Variants in NYAP2 observed in about 807,000 individuals in gnomAD.
NYAP2 encodes the protein neuronal tyrosine-phosphorylated phosphoinositide-3-kinase adapter 2.
A neutral mutation model predicts 50.4 loss-of-function variants in NYAP2; 23 were observed. That is an observed-to-expected ratio of 0.46 (90% CI 0.33 to 0.65). NYAP2 has a LOEUF of 0.65. NYAP2 is among the 30% of genes least tolerant of loss of function. NYAP2 has a pLI of 0.02. For missense variants in NYAP2, 885 were observed against 861.0 expected, an observed-to-expected ratio of 1.03 and a Z score of -0.35; for synonymous variants, 394 against 365.2, an observed-to-expected ratio of 1.08 and a Z score of -0.90.
chr2:225,522,603 C>T (rs910443001), intron 4 of NYAP2, among the ~76,000 whole-genome samples: 5 of 152,180 alleles, frequency 3.3e-5, no homozygotes, highest in African/African-American at 1.2e-4. Flanking sequence ...TGTCATTTCT[C>T]ATGCCTCCAT....
chr2:225,530,544 A>G (rs902006824), intron 4 of NYAP2, among the ~76,000 whole-genome samples: 2 of 151,924 alleles, frequency 1.3e-5, no homozygotes, highest in Non-Finnish European at 2.9e-5. Flanking sequence ...ACTAATTTTC[A>G]TCTTCTTACT....
intron 4 of NYAP2, among the ~76,000 whole-genome samples, chr2:225,522,995 C>T (rs1280990482): frequency 1.3e-5 from 2 of 152,042 alleles, no homozygotes; most frequent in African/African-American, 4.8e-5. Context: ...ATTTTAGAAA[C>T]AACCTGGAGA....
intron 4 of NYAP2, among the ~76,000 whole-genome samples, chr2:225,524,447 T>G (rs1407358105): frequency 8.5e-5 from 13 of 152,110 alleles, no homozygotes; most frequent in Admixed American, 6.6e-4. Flanking sequence ...CCTTTCCCAG[T>G]CCACTGACTC....
At chr2:225,412,025 A>G (rs1247831693) in intron 3 of NYAP2, among the ~76,000 whole-genome samples, 2 of 149,614 alleles carry the variant, frequency 1.3e-5, no homozygotes, top group Non-Finnish European at 3.0e-5. Context: ...TATCATTTAT[A>G]TATCATTTAT....
intron 3 of NYAP2, among the ~76,000 whole-genome samples, chr2:225,442,365 C>T (rs1689485048): frequency 1.3e-5 from 2 of 152,214 alleles, no homozygotes; most frequent in African/African-American, 2.4e-5. Flanking sequence ...AATCTGAAGC[C>T]ACCAAACAGT....
chr2:225,548,251 T>G (rs1207676770), intron 4 of NYAP2, among the ~76,000 whole-genome samples: 1 of 150,880 alleles, frequency 6.6e-6, no homozygotes, highest in Non-Finnish European at 1.5e-5. Flanking sequence ...AAAGCCACAT[T>G]TTATTCATAC....
At chr2:225,538,689 T>C (rs1691394327) in intron 4 of NYAP2, among the ~76,000 whole-genome samples, 1 of 152,234 alleles carries the variant, frequency 6.6e-6, no homozygotes, top group Non-Finnish European at 1.5e-5. Flanking sequence ...GGGATTAATA[T>C]TGGCCTCCTT....
chr2:225,512,456 T>C (rs1179744232), intron 3 of NYAP2, among the ~76,000 whole-genome samples: 1 of 151,904 alleles, frequency 6.6e-6, no homozygotes, highest in Non-Finnish European at 1.5e-5. Flanking sequence ...TAAGCAAATA[T>C]TTTCTCCTCC....
chr2:225,624,486 T>C (rs889501479), intron 5 of NYAP2, among the ~76,000 whole-genome samples: 2 of 152,208 alleles, frequency 1.3e-5, no homozygotes, highest in African/African-American at 2.4e-5. Context: ...AATTTTTACA[T>C]GGGTGGTTGT....
chr2:225,625,701 G>A (rs923051168), intron 5 of NYAP2, among the ~76,000 whole-genome samples: 18 of 152,160 alleles, frequency 1.2e-4, no homozygotes, highest in African/African-American at 3.6e-4. Context: ...GAAAGACAAA[G>A]CTAGAGGGGA....
chr2:225,642,339 A>T (rs1474760600), intron 6 of NYAP2, among the ~76,000 whole-genome samples: 1 of 152,146 alleles, frequency 6.6e-6, no homozygotes, highest in Admixed American at 6.6e-5. Flanking sequence ...AATAAAAACC[A>T]CTAACATTTC....
chr2:225,523,327 A>G (rs929320934), intron 4 of NYAP2, among the ~76,000 whole-genome samples: 1 of 150,372 alleles, frequency 6.7e-6, no homozygotes, highest in South Asian at 2.1e-4. Context: ...AAACCTAAAG[A>G]TACCACCAAA....
intron 3 of NYAP2, among the ~76,000 whole-genome samples, chr2:225,458,029 T>C (rs1689767058): frequency 6.6e-6 from 1 of 152,102 alleles, no homozygotes; most frequent in African/African-American, 2.4e-5. Flanking sequence ...ACCTGGTTGT[T>C]ACAGCTTAAC....
chr2:225,449,528 C>G (rs376507263), intron 3 of NYAP2, among the ~76,000 whole-genome samples: 1 of 150,586 alleles, frequency 6.6e-6, no homozygotes, highest in East Asian at 2.0e-4. Context: ...TCTTTTCAAA[C>G]TACATTTTTC....
chr2:225,594,722 G>C (rs1198335289), intron 5 of NYAP2, among the ~76,000 whole-genome samples: 1 of 151,882 alleles, frequency 6.6e-6, no homozygotes, highest in Non-Finnish European at 1.5e-5. Flanking sequence ...ATTTTTTTTG[G>C]AATTCAGTAA....
the NYAP2 span, among the ~76,000 whole-genome samples, chr2:225,684,282 C>A: frequency 6.6e-6 from 1 of 152,158 alleles, no homozygotes; most frequent in Non-Finnish European, 1.5e-5. Flanking sequence ...AAATGGCAAC[C>A]GGCACTTTGC....
chr2:225,646,532 C>A (rs1693638610), intron 6 of NYAP2, among the ~76,000 whole-genome samples: 1 of 152,176 alleles, frequency 6.6e-6, no homozygotes, highest in East Asian at 1.9e-4. Flanking sequence ...GCCTGGGCAA[C>A]AAGAGCAGAA....
chr2:225,513,089 T>C (rs1251570513), intron 3 of NYAP2, among the ~76,000 whole-genome samples: 5 of 152,190 alleles, frequency 3.3e-5, no homozygotes, highest in African/African-American at 1.2e-4. Context: ...CATGGAATTC[T>C]TGTTTACATT....
At chr2:225,409,745 C>G (rs766983744) in intron 3 of NYAP2, among the ~76,000 whole-genome samples, 9 of 152,020 alleles carry the variant, frequency 5.9e-5, no homozygotes, top group Non-Finnish European at 1.0e-4. Context: ...AGAGCGCTGA[C>G]ACCAAAAGAA....
Sources: gnomAD v4.1 joint callset for allele counts (sites outside exome capture counted in the v4.1 genomes callset) on GRCh38, gnomAD v4.1.1 for gene constraint, MANE v1.5 for transcripts, NCBI Gene and HGNC (gene_info 2026-07-23, HGNC 2026-07-21) for gene names.